The following KCNQ1OT1 variants were observed in gnomAD, a reference collection of about 807,000 sequenced individuals.
KCNQ1OT1 encodes the protein KCNQ1 antisense RNA 2 (non-protein coding).
Position 2,694,709 on chromosome 11 carries a change from C to T in KCNQ1OT1, n.5286G>A, listed in dbSNP as rs982651305. 4.5e-5 allele frequency: 18 copies of T among 398,570 alleles called. No homozygotes were observed. The Admixed American group carries it at 6.6e-4, about 15-fold the overall frequency. 24.7% of individuals were successfully genotyped at this position (398,570 alleles called of 1,614,324 possible). A position where few individuals can be genotyped will look rare whatever the true frequency, so the allele number is the denominator to read the frequency against. ...ATATGCTCTCTTGGGGCCTCTCTTC[C>T]GGTGGAAGAGATAGGCAGCCAACAA... On this transcript the variant is annotated non_coding_transcript_exon_variant, in exon 1 of 1. Transcript: ENST00000597346.
At position 2,670,541 on chromosome 11, in the gene KCNQ1OT1, G is replaced by T; in HGVS notation, n.29454C>A. 2 of 397,964 alleles carry T rather than the reference G, an allele frequency of 5.0e-6. No homozygotes were observed. The highest frequency in any genetic ancestry group is 8.9e-6 in the Non-Finnish European group (2 of 225,962). The allele number at this position is 397,964 out of a possible 1,614,324, so 24.7% of individuals were successfully genotyped here. A position where few individuals can be genotyped will look rare whatever the true frequency, so the allele number is the denominator to read the frequency against. ...AAGGGGAAATTGAAGCCTCAAGAAGGATAGGGACTTGCCAGTATCACTGGG... is the reference window on the plus strand; with the variant it reads ...AAGGGGAAATTGAAGCCTCAAGAAGTATAGGGACTTGCCAGTATCACTGGG... On this transcript the variant is annotated non_coding_transcript_exon_variant, in exon 1 of 1. Coordinates refer to ENST00000597346, the Ensembl canonical transcript of KCNQ1OT1. The surrounding 1 kb of genome is among the most constrained non-coding windows in gnomAD (Gnocchi z 4.9).
chr11:2,644,203 C>G, exon 1 of KCNQ1OT1: 1 of 398,496 alleles, frequency 2.5e-6, no homozygotes. Context: ...TTGGTTTGCT[C>G]TTCACCTTCT....
At chr11:2,662,236 AC>A in exon 1 of KCNQ1OT1, 1 of 950,916 alleles carries the variant, frequency 1.1e-6, no homozygotes, top group Non-Finnish European at 1.6e-6. Context: ...ACACGGAGGC[AC>A]CAGGCAAGAG....
rs562001307 is a variant in KCNQ1OT1, at chr11:2,654,269, G to A, written n.45726C>T. 6.5e-5 allele frequency: 26 copies of A among 398,828 alleles called. No individual in the cohort carries two copies. Among genetic ancestry groups the A allele is most frequent in the African/African-American group, 4.3e-4 (21 of 48,748 alleles). 24.7% of individuals were successfully genotyped at this position (398,828 alleles called of 1,614,324 possible). A position where few individuals can be genotyped will look rare whatever the true frequency, so the allele number is the denominator to read the frequency against. On this transcript the variant is annotated non_coding_transcript_exon_variant, in exon 1 of 1. Transcript: ENST00000597346. The surrounding 1 kb of genome is among the most constrained non-coding windows in gnomAD (Gnocchi z 6.4). ...GCTTCTCCTTCACAGTGCAGGATCC[G>A]CAGGGCTTTGGTGAATCCACTGAGA... is the stretch of plus-strand genomic sequence containing the variant.
At position 2,620,219 on chromosome 11, in the gene KCNQ1OT1, T is replaced by TTTTA; in HGVS notation, n.79775_79776insTAAA. 1 of 274,382 alleles carries TTTTA rather than the reference T, an allele frequency of 3.6e-6. No individual in the cohort carries two copies. Among genetic ancestry groups the TTTTA allele is most frequent in the Non-Finnish European group, 6.5e-6 (1 of 153,798 alleles). The allele number at this position is 274,382 out of a possible 1,614,324, so 17.0% of individuals were successfully genotyped here. ...TTCATGTATATATATATATTTTTTT[T>TTTTA]TTTTATTTTTTTTTTAGACGGAGTT... On this transcript the variant is annotated non_coding_transcript_exon_variant, in exon 1 of 1. Transcript: ENST00000597346. The surrounding 1 kb of genome is among the most constrained non-coding windows in gnomAD (Gnocchi z 4.5).
chr11:2,625,809 T>G (rs1589989113), exon 1 of KCNQ1OT1: 1 of 398,368 alleles, frequency 2.5e-6, no homozygotes, highest in Non-Finnish European at 4.4e-6. Flanking sequence ...GACTTCATGA[T>G]CCTCCCGCCT....
At chr11:2,650,439 A>G (rs1324086274) in exon 1 of KCNQ1OT1, 1 of 398,438 alleles carries the variant, frequency 2.5e-6, no homozygotes. Flanking sequence ...CGTCTGTAGT[A>G]TCATTTGGGT....
At position 2,677,081 on chromosome 11, in the gene KCNQ1OT1, T is replaced by C. The variant is rs1449148556; in HGVS notation, n.22914A>G. ...ACAGCAGCCATTAACCATTCAAATATATTCACTACTGAAATGACCACTTAT... is the reference window on the plus strand; with the variant it reads ...ACAGCAGCCATTAACCATTCAAATACATTCACTACTGAAATGACCACTTAT... On this transcript the variant is annotated non_coding_transcript_exon_variant, in exon 1 of 1. Transcript: ENST00000597346. This position sits in a 1 kb window ranked among gnomAD's most constrained non-coding sequence, Gnocchi z 4.5. 2.5e-6 allele frequency: 1 copy of C among 398,632 alleles called. No homozygotes were observed. The highest frequency in any genetic ancestry group is 4.4e-6 in the Non-Finnish European group (1 of 226,060). The allele number at this position is 398,632 out of a possible 1,614,324, so 24.7% of individuals were successfully genotyped here.
exon 1 of KCNQ1OT1, chr11:2,614,409 T>C: frequency 2.5e-6 from 1 of 398,598 alleles, no homozygotes; most frequent in Admixed American, 4.4e-5. Flanking sequence ...TGTCACTTAG[T>C]ACATTTACAA....
In KCNQ1OT1 at chr11:2,663,064, G is replaced by A; in HGVS notation, n.36931C>T. On this transcript the variant is annotated non_coding_transcript_exon_variant, in exon 1 of 1. Coordinates refer to ENST00000597346, the Ensembl canonical transcript of KCNQ1OT1. The surrounding 1 kb of genome is among the most constrained non-coding windows in gnomAD (Gnocchi z 5.2). Reference sequence around the variant, plus strand: ...GCAGGTGTAACCAGAGAACTGGCAGGGTTGGGTAGCCAGAATGAGGCCACC... The same window carrying A: ...GCAGGTGTAACCAGAGAACTGGCAGAGTTGGGTAGCCAGAATGAGGCCACC... The A allele has an allele frequency of 2.5e-6, 1 of 398,626 alleles. No individual in the cohort carries two copies. Among genetic ancestry groups the A allele is most frequent in the Non-Finnish European group, 4.4e-6 (1 of 226,080 alleles). 24.7% of individuals were successfully genotyped at this position (398,626 alleles called of 1,614,324 possible). A position where few individuals can be genotyped will look rare whatever the true frequency, so the allele number is the denominator to read the frequency against.
At chr11:2,662,268 C>T (rs1849973649) in exon 1 of KCNQ1OT1, 3 of 658,058 alleles carry the variant, frequency 4.6e-6, no homozygotes, top group South Asian at 1.9e-5. Context: ...GGGCACTTCC[C>T]ACTGAGCCTG....
rs191642634 is a variant in KCNQ1OT1, at chr11:2,620,238, C to T, written n.79757G>A. The T allele has an allele frequency of 2.7e-4, 64 of 236,844 alleles. No individual in the cohort carries two copies. Among genetic ancestry groups the T allele is most frequent in the Admixed American group, 8.0e-4 (14 of 17,504 alleles). 14.7% of individuals were successfully genotyped at this position (236,844 alleles called of 1,614,324 possible). ...TTTTTTTTTTTATTTTTTTTTTAGA[C>T]GGAGTTTCGCTCTTGTTGCCCAGGC... On this transcript the variant is annotated non_coding_transcript_exon_variant, in exon 1 of 1. Coordinates refer to ENST00000597346, the Ensembl canonical transcript of KCNQ1OT1. The surrounding 1 kb of genome is among the most constrained non-coding windows in gnomAD (Gnocchi z 4.5).
chr11:2,673,260 A>G lies in KCNQ1OT1; in HGVS notation n.26735T>C, dbSNP rs1410255802. The stretch of plus-strand genomic sequence containing the variant: ...TGGGGACTGGGTGATGCAGACTGCA[A>G]AGCCTCAGCCACCTTCTCCCCTAGA... On this transcript the variant is annotated non_coding_transcript_exon_variant, in exon 1 of 1. Coordinates refer to ENST00000597346, the Ensembl canonical transcript of KCNQ1OT1. This position sits in a 1 kb window ranked among gnomAD's most constrained non-coding sequence, Gnocchi z 4.5. 2.5e-6 allele frequency: 1 copy of G among 398,590 alleles called. No individual in the cohort carries two copies. Among genetic ancestry groups the G allele is most frequent in the East Asian group, 3.6e-5 (1 of 28,090 alleles). The allele number at this position is 398,590 out of a possible 1,614,324, so 24.7% of individuals were successfully genotyped here.
exon 1 of KCNQ1OT1, chr11:2,616,975 T>A (rs1382082244): frequency 3.3e-5 from 13 of 393,788 alleles, no homozygotes; most frequent in African/African-American, 1.7e-4. Context: ...TTTTTTTTTT[T>A]AATTTTAAAA....
Position 2,661,093 on chromosome 11 carries a change from G to A in KCNQ1OT1, n.38902C>T. 1 of 398,448 alleles carries A rather than the reference G, an allele frequency of 2.5e-6. No homozygotes were observed. The highest frequency in any genetic ancestry group is 3.6e-5 in the East Asian group (1 of 28,072). 24.7% of individuals were successfully genotyped at this position (398,448 alleles called of 1,614,324 possible). A position where few individuals can be genotyped will look rare whatever the true frequency, so the allele number is the denominator to read the frequency against. ...ACAGTGACATCCCATGTGCATAAAA[G>A]CAACTCCCACCTGGCATCTGCTGCT... On this transcript the variant is annotated non_coding_transcript_exon_variant, in exon 1 of 1. Transcript: ENST00000597346. The surrounding 1 kb of genome is among the most constrained non-coding windows in gnomAD (Gnocchi z 5.9).
exon 1 of KCNQ1OT1, chr11:2,699,675 C>T (rs1026855452): frequency 5.7e-6 from 2 of 353,866 alleles, no homozygotes; most frequent in Admixed American, 4.8e-5. Context: ...GGGAGAACCG[C>T]GCCGAAAAGC....
chr11:2,671,011 A>AG lies in KCNQ1OT1; in HGVS notation n.28983dup, dbSNP rs1356660785. 1.5e-5 allele frequency: 6 copies of AG among 398,460 alleles called. No individual in the cohort carries two copies. Among genetic ancestry groups the AG allele is most frequent in the Non-Finnish European group, 2.2e-5 (5 of 226,072 alleles). 24.7% of individuals were successfully genotyped at this position (398,460 alleles called of 1,614,324 possible). On this transcript the variant is annotated non_coding_transcript_exon_variant, in exon 1 of 1. Transcript: ENST00000597346. The surrounding 1 kb of genome is among the most constrained non-coding windows in gnomAD (Gnocchi z 4.7). ...ATGCTTTAGATATGTGGGCCCTGTT[A>AG]GGGACAACGTAGGTGTCCTGGGCAG...
At chr11:2,641,184 A>G in exon 1 of KCNQ1OT1, 1 of 398,558 alleles carries the variant, frequency 2.5e-6, no homozygotes, top group Non-Finnish European at 4.4e-6. Context: ...ATAAATATCC[A>G]GTAGTGAGAT....
At position 2,631,830 on chromosome 11, in the gene KCNQ1OT1, G is replaced by A. The variant is rs568560803; in HGVS notation, n.68165C>T. 38 of 398,552 alleles carry A rather than the reference G, an allele frequency of 9.5e-5. 1 individual carries two copies. The South Asian group carries it at 3.8e-3, about 40-fold the overall frequency. 24.7% of individuals were successfully genotyped at this position (398,552 alleles called of 1,614,324 possible). A position where few individuals can be genotyped will look rare whatever the true frequency, so the allele number is the denominator to read the frequency against. On this transcript the variant is annotated non_coding_transcript_exon_variant, in exon 1 of 1. Transcript: ENST00000597346. The stretch of plus-strand genomic sequence containing the variant: ...CAAGGCTGAGTGTCCTGATGCTGTC[G>A]TGTAAATAGAGTTGTGTTAATAATA...
Sources: gnomAD v4.1 joint callset for allele counts on GRCh38, gnomAD v4.1.1 for gene constraint, Gnocchi (gnomAD v3.1) non-coding constraint, MANE v1.5 for transcripts, NCBI Gene and HGNC (gene_info 2026-07-23, HGNC 2026-07-21) for gene names.